PIK3R6: variants seen among roughly 807,000 people sequenced by gnomAD.
PIK3R6 encodes phosphoinositide 3-kinase regulatory subunit 6.
PIK3R6 carries 91 observed loss-of-function variants against 84.9 expected under a neutral mutation model. That is an observed-to-expected ratio of 1.07 (90% CI 0.90 to 1.28). The LOEUF (loss-of-function observed/expected upper bound fraction) is 1.28, where lower values mean the gene tolerates loss of function less well. Ranked by LOEUF, PIK3R6 falls within the 50% of genes most tolerant of loss-of-function variation. PIK3R6 has a pLI of 0.00. For missense variants in PIK3R6, 996 were observed against 985.1 expected (o/e 1.01, Z -0.15); for synonymous variants, 416 against 411.4 (o/e 1.01, Z -0.13).
chr17:8,817,007 G>A (rs1008731063), intron 18 of PIK3R6, among the ~76,000 whole-genome samples: 8 of 152,232 alleles, frequency 5.3e-5, no homozygotes, highest in South Asian at 4.1e-4. Flanking sequence ...CTTAAATGTC[G>A]TCTTAGAATT....
At chr17:8,819,058 C>T in intron 18 of PIK3R6, 25 bp downstream of exon 18, 3 of 1,531,390 alleles carry the variant, frequency 2.0e-6, no homozygotes, top group South Asian at 1.2e-5. Context: ...GGCTGTCTCC[C>T]TTTCCCAGTC....
intron 17 of PIK3R6, among the ~76,000 whole-genome samples, chr17:8,819,717 CAT>C (rs1485754650): frequency 7.2e-6 from 1 of 139,380 alleles, no homozygotes; most frequent in Non-Finnish European, 1.5e-5. Context: ...CATATATATA[CAT>C]ATATACACAC....
At position 8,828,150 on chromosome 17, in the gene PIK3R6, T is replaced by G. The variant is rs2088013021; in HGVS notation, c.1354A>C (p.Ser452Arg). Residue 452 changes from serine to arginine, a missense_variant, in exon 12 of 20, where the codon AGC becomes CGC. Coordinates refer to ENST00000619866, the MANE Select transcript of PIK3R6 (RefSeq NM_001010855.4). Reference sequence around the variant, plus strand: ...ACGGGGATGTAGTAGAGCTGCAGGCTGAGTCTGGGAGTGAGGCAGAACTTC... The same window carrying G: ...ACGGGGATGTAGTAGAGCTGCAGGCGGAGTCTGGGAGTGAGGCAGAACTTC... The part of the protein sequence containing the change: ...TQKFCLTPRL[S>R]LQLYYIPVLA... 1 of 1,613,978 alleles carries G rather than the reference T, an allele frequency of 6.2e-7. No homozygotes were observed.
intron 1 of PIK3R6, among the ~76,000 whole-genome samples, chr17:8,858,187 C>T (rs1206767163): frequency 6.6e-6 from 1 of 152,076 alleles, no homozygotes. Context: ...ATAGAAGCAG[C>T]TCATTCTTAA....
intron 18 of PIK3R6, among the ~76,000 whole-genome samples, chr17:8,805,543 C>T (rs537258989): frequency 2.0e-5 from 3 of 152,312 alleles, no homozygotes; most frequent in East Asian, 3.9e-4. Flanking sequence ...TTTAACAAAA[C>T]CTCTGTAAGA....
At chr17:8,858,097 T>C (rs544440081) in intron 1 of PIK3R6, among the ~76,000 whole-genome samples, 1 of 152,290 alleles carries the variant, frequency 6.6e-6, no homozygotes, top group South Asian at 2.1e-4. Flanking sequence ...GTCGATTTCC[T>C]GTCCTTTGGG....
intron 1 of PIK3R6, among the ~76,000 whole-genome samples, chr17:8,857,891 ACT>A (rs2089180902): frequency 1.4e-5 from 2 of 146,754 alleles, no homozygotes; most frequent in Non-Finnish European, 3.0e-5. Flanking sequence ...CAAGAGTGAA[ACT>A]CTGTCTCAAA....
chr17:8,831,798 C>G (rs551267406), intron 9 of PIK3R6, among the ~76,000 whole-genome samples: 38 of 152,296 alleles, frequency 2.5e-4, no homozygotes, highest in African/African-American at 7.7e-4. Context: ...TTCCATGATA[C>G]TTTGAATGAC....
chr17:8,861,538 AC>A (rs1437194971), intron 1 of PIK3R6, among the ~76,000 whole-genome samples: 1 of 151,954 alleles, frequency 6.6e-6, no homozygotes, highest in Non-Finnish European at 1.5e-5. Flanking sequence ...GCATGATGAA[AC>A]CTCTCACCGT....
At position 8,804,061 on chromosome 17, in the gene PIK3R6, G is replaced by A. The variant is rs764559525; in HGVS notation, c.2088C>T (p.Arg696=). The A allele has an allele frequency of 7.4e-6, 12 of 1,613,954 alleles. No individual in the cohort carries two copies. The South Asian group carries it at 1.3e-4, about 18-fold the overall frequency. The change falls in exon 19 of 20, where the codon CGC becomes CGT. Residue 696 remains arginine, a synonymous_variant. Coordinates refer to ENST00000619866, the MANE Select transcript of PIK3R6 (RefSeq NM_001010855.4). ...CTCACCTGACCACATCCCTGAAAGT[G>A]CGTTGATCGTCCTTGTCCAGCGACA... The part of the protein sequence containing the change: ...LTLSLDKDDQ[R]TFRDVVRFEV...
chr17:8,828,198 T>C lies in PIK3R6; in HGVS notation c.1314-8A>G, dbSNP rs1332599616. ...TTCTGGGTCTCCCGTTTCCTAGCAA[T>C]GGGCAGCAAAGCAGAGGAGGTTAGG... On this transcript the variant is annotated splice_polypyrimidine_tract_variant and splice_region_variant and intron_variant, in intron 11 of 19. Coordinates refer to ENST00000619866, the MANE Select transcript of PIK3R6 (RefSeq NM_001010855.4). 6.2e-6 allele frequency: 10 copies of C among 1,613,564 alleles called. No individual in the cohort carries two copies. Among genetic ancestry groups the C allele is most frequent in the Non-Finnish European group, 8.5e-6 (10 of 1,179,624 alleles).
rs749404500 is a variant in PIK3R6, at chr17:8,835,460, A to G, written c.462-4T>C. The G allele has an allele frequency of 1.3e-5, 20 of 1,549,112 alleles. No homozygotes were observed. The highest frequency in any genetic ancestry group is 1.8e-5 in the Non-Finnish European group (20 of 1,136,882). On this transcript the variant is annotated splice_polypyrimidine_tract_variant and splice_region_variant and intron_variant, in intron 7 of 19. Coordinates refer to ENST00000619866, the MANE Select transcript of PIK3R6 (RefSeq NM_001010855.4). ...AGGATCCACGAAGAGGAACACTCTG[A>G]GGGCAGAAGCAGAGGGGAGAGGTGG... is the stretch of plus-strand genomic sequence containing the variant.
rs2088764845 is a variant in PIK3R6 at position 8,844,308 on chromosome 17, C to T, written c.14-4611G>A. On this transcript the variant is annotated intron_variant, in intron 2 of 19. Transcript: ENST00000619866. This position sits in a 1 kb window ranked among gnomAD's most constrained non-coding sequence, Gnocchi z 4.5. ...TTTCCCACTACCCAGACTTTATAAA[C>T]CCTGAGCTTCTCACAAACTCCCACG... Among the ~76,000 whole-genome samples the T allele has an allele frequency of 6.6e-6, 1 of 152,202 alleles. No homozygotes were observed. Among genetic ancestry groups the T allele is most frequent in the Non-Finnish European group, 1.5e-5 (1 of 68,048 alleles).
At chr17:8,840,041 T>G (rs1009649637) in intron 2 of PIK3R6, among the ~76,000 whole-genome samples, 7 of 151,910 alleles carry the variant, frequency 4.6e-5, no homozygotes, top group African/African-American at 1.7e-4. Flanking sequence ...TTTTCATATA[T>G]ATGTGAAATG....
intron 9 of PIK3R6, among the ~76,000 whole-genome samples, chr17:8,830,056 C>T (rs1332162699): frequency 6.6e-6 from 1 of 152,220 alleles, no homozygotes; most frequent in East Asian, 1.9e-4. Context: ...CAAACCAGCT[C>T]ACAAGGCCTT....
At position 8,828,716 on chromosome 17, in the gene PIK3R6, G is replaced by A. The variant is rs565070012; in HGVS notation, c.1164C>T (p.Asp388=). ...PLDFLMPGSW[D]GPPGLHRRTG... ...TCCTCCGGTGCAGCCCTGGGGGCCC[G>A]TCCCAGCTGCCAGGCATCAAGAAGT... Residue 388 remains aspartate, a synonymous_variant, in exon 11 of 20, where the codon GAC becomes GAT. Coordinates refer to ENST00000619866, the MANE Select transcript of PIK3R6 (RefSeq NM_001010855.4). 8.7e-6 allele frequency: 14 copies of A among 1,609,414 alleles called. No homozygotes were observed. Among genetic ancestry groups the A allele is most frequent in the Non-Finnish European group, 1.2e-5 (14 of 1,178,040 alleles).
At chr17:8,853,806 G>A (rs9900332) in intron 1 of PIK3R6, among the ~76,000 whole-genome samples, 7,506 of 150,270 alleles carry the variant, frequency 0.05, 623 homozygotes, top group African/African-American at 0.17. Context: ...TACTAAAAAT[G>A]GAAAAAATTA....
intron 18 of PIK3R6, among the ~76,000 whole-genome samples, chr17:8,814,448 G>GACCTCGTGATCCGCCCTCCTC (rs1339456743): frequency 2.6e-5 from 4 of 151,972 alleles, no homozygotes; most frequent in Non-Finnish European, 5.9e-5. Context: ...TCGATCTCCT[G>GACCTCGTGATCCGCCCTCCTC]ACCTCGTGAT....
At position 8,829,413 on chromosome 17, in the gene PIK3R6, GACAC is replaced by G. The variant is rs755021863; in HGVS notation, c.889+289_889+292del. 2.2e-4 allele frequency among the ~76,000 whole-genome samples: 26 copies of G among 120,692 alleles called. No homozygotes were observed. The East Asian group carries it at 7.1e-3, about 33-fold the overall frequency. 79.2% of individuals were successfully genotyped at this position (120,692 alleles called of 152,430 possible). On this transcript the variant is annotated intron_variant, in intron 10 of 19. Transcript: ENST00000619866. ...ACACACGCATGCACACATACACACA[GACAC>G]ACTGACACACTCATGGATACACACA...
Sources: allele counts gnomAD v4.1 joint callset (sites outside exome capture counted in the v4.1 genomes callset), GRCh38; gene constraint gnomAD v4.1.1; non-coding constraint Gnocchi (gnomAD v3.1); transcripts MANE v1.5; gene names NCBI Gene and HGNC (gene_info 2026-07-23, HGNC 2026-07-21).